The following MORC1 variants were observed in gnomAD, a reference collection of about 807,000 sequenced individuals.
The protein encoded by MORC1 is MORC family CW-type zinc finger protein 1.
A neutral mutation model predicts 134.9 loss-of-function variants in MORC1; 59 were observed. That is an observed-to-expected ratio of 0.44 (90% CI 0.35 to 0.54). The LOEUF is 0.54. Ranked by LOEUF, MORC1 falls within the 20% of genes least tolerant of loss-of-function variation. The probability of loss-of-function intolerance (pLI) is 0.00; values close to 1 mark genes in which losing one functional copy is unlikely to be tolerated. For synonymous variants in MORC1, 395 were observed against 391.7 expected, an observed-to-expected ratio of 1.01 and a Z score of -0.10; for missense variants, 947 against 1,134.5, an observed-to-expected ratio of 0.83 and a Z score of 2.37.
intron 8 of MORC1, among the ~76,000 whole-genome samples, chr3:109,086,157 A>T (rs1405609589): frequency 6.6e-6 from 1 of 151,986 alleles, no homozygotes; most frequent in East Asian, 1.9e-4. Flanking sequence ...AAGAAATAAG[A>T]CCTACTGTTC....
chr3:109,080,474 T>TAATA (rs1950501737), intron 8 of MORC1, among the ~76,000 whole-genome samples: 1 of 152,288 alleles, frequency 6.6e-6, no homozygotes, highest in East Asian at 1.9e-4. Context: ...ACTATCACCA[T>TAATA]AATAATACAG....
At chr3:109,029,215 T>C (rs1949174043) in intron 16 of MORC1, among the ~76,000 whole-genome samples, 1 of 152,172 alleles carries the variant, frequency 6.6e-6, no homozygotes, top group African/African-American at 2.4e-5. Flanking sequence ...TGTTTGTTAT[T>C]ATCGTTATTT....
chr3:109,093,615 A>T, intron 7 of MORC1, 74 bp from the exon 8 acceptor site: 1 of 1,095,020 alleles, frequency 9.1e-7, no homozygotes, highest in East Asian at 2.5e-5. Flanking sequence ...CTATCATTTC[A>T]TCTATGGAAC....
At chr3:109,034,636 G>A (rs1196916053) in intron 15 of MORC1, among the ~76,000 whole-genome samples, 2 of 152,100 alleles carry the variant, frequency 1.3e-5, no homozygotes, top group African/African-American at 4.8e-5. Context: ...ATTAAAAATA[G>A]AAAGATGGCT....
rs1947607886 is a variant in MORC1, at chr3:108,977,946, C to A, written c.2477+1569G>T. 3.3e-5 allele frequency among the ~76,000 whole-genome samples: 5 copies of A among 152,162 alleles called. No homozygotes were observed. The South Asian group carries it at 1.0e-3, about 32-fold the overall frequency. ...AGGCTGGAGTGCAGTGGCGCGATCTCAGCTCACTGCAAGCTCCGCCTCCCG... is the reference window on the plus strand; with the variant it reads ...AGGCTGGAGTGCAGTGGCGCGATCTAAGCTCACTGCAAGCTCCGCCTCCCG... On this transcript the variant is annotated intron_variant, in intron 24 of 27. Coordinates refer to ENST00000232603, the MANE Select transcript of MORC1 (RefSeq NM_014429.4).
intron 8 of MORC1, among the ~76,000 whole-genome samples, chr3:109,089,382 A>G (rs1388457342): frequency 6.6e-6 from 1 of 152,094 alleles, no homozygotes; most frequent in African/African-American, 2.4e-5. Flanking sequence ...TTACAGTCCT[A>G]CAGATTTCAC....
At chr3:109,084,622 G>T (rs1950583374) in intron 8 of MORC1, among the ~76,000 whole-genome samples, 1 of 151,942 alleles carries the variant, frequency 6.6e-6, no homozygotes, top group Non-Finnish European at 1.5e-5. Context: ...AATACCAGTG[G>T]TATTCTTCAC....
intron 8 of MORC1, among the ~76,000 whole-genome samples, chr3:109,070,083 G>C (rs1440380643): frequency 1.3e-5 from 2 of 152,168 alleles, no homozygotes; most frequent in Admixed American, 6.6e-5. Context: ...GGAGAACAAA[G>C]TCAAGTCAAA....
intron 27 of MORC1, among the ~76,000 whole-genome samples, chr3:108,962,047 A>G (rs1947093721): frequency 6.6e-6 from 1 of 152,204 alleles, no homozygotes; most frequent in East Asian, 1.9e-4. Flanking sequence ...CATTCTTCAC[A>G]GCCACAAGAA....
chr3:108,976,589 G>A (rs1247826803), intron 24 of MORC1, among the ~76,000 whole-genome samples: 1 of 152,182 alleles, frequency 6.6e-6, no homozygotes, highest in Non-Finnish European at 1.5e-5. Context: ...GTTGCTGAAA[G>A]CAAAAGAGAA....
At position 109,095,086 on chromosome 3, in the gene MORC1, C is replaced by A. The variant is rs746885608; in HGVS notation, c.424-18G>T. 2.0e-5 allele frequency: 31 copies of A among 1,552,960 alleles called. No homozygotes were observed. The highest frequency in any genetic ancestry group is 1.1e-4 in the Admixed American group (5 of 45,580). ...ACTACAACCTATTTAAAAAAAAACA[C>A]ATCAATTTACTATGAAATACACAAA... is the stretch of plus-strand genomic sequence containing the variant. On this transcript the variant is annotated intron_variant, in intron 6 of 27. Coordinates refer to ENST00000232603, the MANE Select transcript of MORC1 (RefSeq NM_014429.4).
intron 24 of MORC1, among the ~76,000 whole-genome samples, chr3:108,978,622 G>A (rs920892359): frequency 6.6e-6 from 1 of 152,260 alleles, no homozygotes; most frequent in Admixed American, 6.5e-5. Flanking sequence ...CCTTAGTAGA[G>A]GCTACAGTCC....
chr3:109,102,143 C>G (rs767249777), intron 4 of MORC1, among the ~76,000 whole-genome samples: 1 of 152,106 alleles, frequency 6.6e-6, no homozygotes, highest in African/African-American at 2.4e-5. Context: ...TTAACAGGAA[C>G]GTGGCCTGCA....
At chr3:108,982,835 A>T (rs1276830156) in intron 23 of MORC1, among the ~76,000 whole-genome samples, 1 of 151,948 alleles carries the variant, frequency 6.6e-6, no homozygotes, top group Non-Finnish European at 1.5e-5. Context: ...TTTCCAGTCA[A>T]TCCTCACCCA....
chr3:109,045,983 T>C (rs1445484693), intron 14 of MORC1, among the ~76,000 whole-genome samples: 3 of 152,216 alleles, frequency 2.0e-5, no homozygotes, highest in Non-Finnish European at 2.9e-5. Flanking sequence ...AAGAAACTTT[T>C]AGAACCCCCA....
At chr3:109,035,164 C>T (rs1156931581) in intron 15 of MORC1, among the ~76,000 whole-genome samples, 176 bp downstream of exon 15, 5 of 152,100 alleles carry the variant, frequency 3.3e-5, no homozygotes, top group Admixed American at 3.3e-4. Context: ...TATCACTTAC[C>T]TTATTTTTCC....
At chr3:109,099,613 T>C in intron 5 of MORC1, 147 bp from the exon 6 acceptor site, 2 of 576,596 alleles carry the variant, frequency 3.5e-6, no homozygotes, top group Non-Finnish European at 2.8e-6. Context: ...TACAATTTTT[T>C]TTTTTTCAAA....
chr3:109,043,254 G>T (rs964678040), intron 14 of MORC1, among the ~76,000 whole-genome samples: 1 of 150,834 alleles, frequency 6.6e-6, no homozygotes. Flanking sequence ...TTTGACATAT[G>T]CTATAACATG....
At chr3:109,093,805 T>A (rs1483805885) in intron 7 of MORC1, among the ~76,000 whole-genome samples, 3 of 152,244 alleles carry the variant, frequency 2.0e-5, no homozygotes, top group Non-Finnish European at 4.4e-5. Context: ...TGTGGATTTT[T>A]AAACTTTGGC....
Sources: gnomAD v4.1 joint callset for allele counts (sites outside exome capture counted in the v4.1 genomes callset) on GRCh38, gnomAD v4.1.1 for gene constraint, MANE v1.5 for transcripts, NCBI Gene and HGNC (gene_info 2026-07-23, HGNC 2026-07-21) for gene names.